The following CACNG5 variants were observed in gnomAD, a reference collection of about 807,000 sequenced individuals.
CACNG5 encodes calcium voltage-gated channel auxiliary subunit gamma 5.
A neutral mutation model predicts 24.8 loss-of-function variants in CACNG5; 18 were observed. The ratio of observed to expected loss-of-function variants is 0.73; its 90% CI spans 0.50 to 1.08. CACNG5 has a LOEUF of 1.08. CACNG5 is among the 50% of genes least tolerant of loss of function. The pLI, the probability that CACNG5 is intolerant of heterozygous loss-of-function variation, is 0.00. For synonymous variants in CACNG5, 157 were observed against 149.1 expected, an observed-to-expected ratio of 1.05 and a Z score of -0.39; for missense variants, 349 against 367.9, an observed-to-expected ratio of 0.95 and a Z score of 0.42.
intron 1 of CACNG5, among the ~76,000 whole-genome samples, chr17:66,863,310 A>C (rs995302494): frequency 6.6e-6 from 1 of 151,598 alleles, no homozygotes; most frequent in African/African-American, 2.4e-5. Flanking sequence ...AGATAATATT[A>C]TTATTCCTTT....
At chr17:66,881,886 C>G (rs1977162945) in intron 4 of CACNG5, among the ~76,000 whole-genome samples, 1 of 152,046 alleles carries the variant, frequency 6.6e-6, no homozygotes, top group Non-Finnish European at 1.5e-5. Context: ...CATTGCTCAT[C>G]ATGGCAGGTG....
chr17:66,849,727 G>C (rs1339468368), intron 1 of CACNG5, among the ~76,000 whole-genome samples: 3 of 152,216 alleles, frequency 2.0e-5, no homozygotes, highest in Non-Finnish European at 2.9e-5. Flanking sequence ...TCCTAGGCTT[G>C]ATGGAAGGAG....
At chr17:66,864,236 G>A (rs1240519915) in intron 1 of CACNG5, among the ~76,000 whole-genome samples, 1 of 152,162 alleles carries the variant, frequency 6.6e-6, no homozygotes, top group Non-Finnish European at 1.5e-5. Flanking sequence ...TCTATTACTT[G>A]CTCACCTAGA....
At chr17:66,879,838 T>C (rs1051400732) in intron 3 of CACNG5, among the ~76,000 whole-genome samples, 2 of 152,192 alleles carry the variant, frequency 1.3e-5, no homozygotes, top group Non-Finnish European at 2.9e-5. Flanking sequence ...TTATTGATCA[T>C]GTGATTGAAC....
At position 66,867,805 on chromosome 17, in the gene CACNG5, TATCTATTCTGTTAC is replaced by T. The variant is rs59359782; in HGVS notation, c.-103-9422_-103-9409del. Among the ~76,000 whole-genome samples the T allele has an allele frequency of 3.7e-4, 56 of 152,316 alleles. 1 individual carries two copies. The East Asian group carries it at 0.01, about 27-fold the overall frequency. On this transcript the variant is annotated intron_variant, in intron 1 of 5. Transcript: ENST00000533854. The stretch of plus-strand genomic sequence containing the variant: ...TAGATGTGTGATCTTATTTCTGAGA[TATCTATTCTGTTAC>T]ATTGATCTATGTGTCTGTTTGCATA...
chr17:66,844,863 T>A (rs117623693), intron 1 of CACNG5, among the ~76,000 whole-genome samples: 2,938 of 152,332 alleles, frequency 0.019, 38 homozygotes, highest in Non-Finnish European at 0.03. Flanking sequence ...AGGAGCCCCA[T>A]GTTCTTTCTG....
At chr17:66,838,198 G>T (rs1458176377) in intron 1 of CACNG5, among the ~76,000 whole-genome samples, 2 of 151,690 alleles carry the variant, frequency 1.3e-5, no homozygotes, top group South Asian at 2.1e-4. Context: ...ACCCTGCCTG[G>T]CTGTGCCTCC....
At chr17:66,862,992 T>G (rs1200484820) in intron 1 of CACNG5, among the ~76,000 whole-genome samples, 1 of 151,730 alleles carries the variant, frequency 6.6e-6, no homozygotes, top group Non-Finnish European at 1.5e-5. Context: ...GTATGTTTGT[T>G]TTTTATTCAT....
At chr17:66,865,900 C>A (rs2143085956) in intron 1 of CACNG5, among the ~76,000 whole-genome samples, 1 of 151,768 alleles carries the variant, frequency 6.6e-6, no homozygotes, top group South Asian at 2.1e-4. Flanking sequence ...CTCAGCCTCC[C>A]AAAGTGCTGG....
chr17:66,839,408 C>G (rs1976533323), intron 1 of CACNG5, among the ~76,000 whole-genome samples: 1 of 152,060 alleles, frequency 6.6e-6, no homozygotes, highest in Non-Finnish European at 1.5e-5. Context: ...AAGCATTCCA[C>G]AGAGCGAAAT....
chr17:66,884,872 C>A (rs764706157), intron 5 of CACNG5, 111 bp from the exon 6 acceptor site: 1 of 1,613,460 alleles, frequency 6.2e-7, no homozygotes, highest in East Asian at 2.2e-5. Flanking sequence ...CTGCTCCTGT[C>A]CCCACGTCCA....
At position 66,887,118 on chromosome 17, in the gene CACNG5, C is replaced by T. The variant is rs1977272265; in HGVS notation, c.*1878C>T. ...ATTCTACAAATGAATTTAGGGAAGA[C>T]AGAGTTTAGCCCATGACAGGTATTT... On this transcript the variant is annotated 3_prime_UTR_variant, in exon 6 of 6. Transcript: ENST00000533854. Among the ~76,000 whole-genome samples the T allele has an allele frequency of 6.6e-6, 1 of 152,194 alleles. No individual in the cohort carries two copies. The highest frequency in any genetic ancestry group is 2.4e-5 in the African/African-American group (1 of 41,440).
intron 4 of CACNG5, among the ~76,000 whole-genome samples, chr17:66,884,275 A>G (rs868318460): frequency 6.6e-6 from 1 of 152,208 alleles, no homozygotes; most frequent in Non-Finnish European, 1.5e-5. Flanking sequence ...GGCTTAGCCC[A>G]TGGCTTAGGA....
intron 5 of CACNG5, 37 bp downstream of exon 5, chr17:66,884,698 C>A: frequency 6.2e-7 from 1 of 1,614,214 alleles, no homozygotes; most frequent in East Asian, 2.2e-5. Context: ...TAGGCTGGGC[C>A]TGGGCACTGC....
chr17:66,867,852 C>T (rs1326673307), intron 1 of CACNG5, among the ~76,000 whole-genome samples: 1 of 152,154 alleles, frequency 6.6e-6, no homozygotes, highest in East Asian at 1.9e-4. Context: ...ATACCAGTGC[C>T]ACGCTGTTTT....
At chr17:66,849,988 G>C (rs544075758) in intron 1 of CACNG5, among the ~76,000 whole-genome samples, 49 of 152,312 alleles carry the variant, frequency 3.2e-4, no homozygotes, top group African/African-American at 1.2e-3. Context: ...AAAATCCCCT[G>C]GTGCTTCAGG....
At position 66,888,979 on chromosome 17, in the gene CACNG5, C is replaced by T. The variant is rs1598068005; in HGVS notation, c.*3739C>T. On this transcript the variant is annotated 3_prime_UTR_variant, in exon 6 of 6. Transcript: ENST00000533854. ...CAAGGTGAACTTTAAAATGGCAGTG[C>T]TTGTCCAAGATGGTGAAGCTCCTGC... Among the ~76,000 whole-genome samples, 1 of 152,158 alleles carries T rather than the reference C, an allele frequency of 6.6e-6. No homozygotes were observed. Among genetic ancestry groups the T allele is most frequent in the East Asian group, 1.9e-4 (1 of 5,186 alleles).
intron 1 of CACNG5, among the ~76,000 whole-genome samples, chr17:66,851,002 A>G (rs377574163): frequency 9.2e-5 from 14 of 152,180 alleles, no homozygotes; most frequent in African/African-American, 1.4e-4. Context: ...ATGCCTACCC[A>G]TGGACTGTAA....
At chr17:66,848,809 C>T (rs1175101943) in intron 1 of CACNG5, among the ~76,000 whole-genome samples, 1 of 152,174 alleles carries the variant, frequency 6.6e-6, no homozygotes, top group Non-Finnish European at 1.5e-5. Context: ...TGACCTTGAC[C>T]TTGGGATTAA....
Sources: gnomAD v4.1 joint callset for allele counts (sites outside exome capture counted in the v4.1 genomes callset) on GRCh38, gnomAD v4.1.1 for gene constraint, MANE v1.5 for transcripts, NCBI Gene and HGNC (gene_info 2026-07-23, HGNC 2026-07-21) for gene names.